Variants in DPP6 observed in about 807,000 individuals in gnomAD.
The protein encoded by DPP6 is A-type potassium channel modulatory protein DPP6.
A neutral mutation model predicts 122.6 loss-of-function variants in DPP6; 69 were observed. The observed-to-expected ratio is 0.56, with a 90% CI of 0.46 to 0.69. The LOEUF is 0.69. Among genes scored for constraint, DPP6 ranks in the 30% least tolerant of loss-of-function variants. The pLI is 0.00. For synonymous variants in DPP6, 418 were observed against 433.1 expected, an observed-to-expected ratio of 0.97 and a Z score of 0.43; for missense variants, 928 against 1,116.9, an observed-to-expected ratio of 0.83 and a Z score of 2.41.
intron 1 of DPP6, among the ~76,000 whole-genome samples, chr7:154,367,233 G>A (rs1812263553): frequency 6.6e-6 from 1 of 152,148 alleles, no homozygotes; most frequent in Admixed American, 6.5e-5. Flanking sequence ...AACTAAAAGG[G>A]AACTCATTAT....
At chr7:154,074,102 GAGAT>G (rs1181106391) in intron 1 of DPP6, among the ~76,000 whole-genome samples, 14 of 55,052 alleles carry the variant, frequency 2.5e-4, no homozygotes, top group African/African-American at 1.1e-3. Context: ...GATCTATATA[GAGAT>G]AGAGAGATAT....
chr7:153,819,536 C>A, the DPP6 span, among the ~76,000 whole-genome samples: 1 of 152,144 alleles, frequency 6.6e-6, no homozygotes, highest in African/African-American at 2.4e-5. Context: ...ATGGCACACA[C>A]ATCATGACTG....
At chr7:154,320,339 G>A (rs909906325) in intron 1 of DPP6, among the ~76,000 whole-genome samples, 11 of 152,146 alleles carry the variant, frequency 7.2e-5, no homozygotes, top group Middle Eastern at 3.4e-3. Flanking sequence ...GCTCCATTCC[G>A]TACTTGGTTT....
In DPP6 at chr7:154,581,357, A is replaced by C. The variant is rs76286576; in HGVS notation, c.627+14441A>C. On this transcript the variant is annotated intron_variant, in intron 5 of 25. Transcript: ENST00000377770. ...GGAAAAGGAGACAGAGGGGACAGGAAGAAGGGGACAGAAGAGTAAAGAGCC... is the reference window on the plus strand; with the variant it reads ...GGAAAAGGAGACAGAGGGGACAGGACGAAGGGGACAGAAGAGTAAAGAGCC... 4.5e-3 allele frequency among the ~76,000 whole-genome samples: 692 copies of C among 152,262 alleles called. 7 individuals carry two copies. Among genetic ancestry groups the C allele is most frequent in the African/African-American group, 0.016 (648 of 41,552 alleles).
intron 2 of DPP6, among the ~76,000 whole-genome samples, chr7:154,454,607 T>G (rs1586321870): frequency 6.6e-6 from 1 of 151,976 alleles, no homozygotes; most frequent in African/African-American, 2.4e-5. Context: ...GGGCCAGGTG[T>G]GGTCAAGAGT....
rs763543397 is a variant in DPP6, at chr7:154,239,992, TAAAAAAAAAAAAAAA to T, written c.243+186961_243+186975del. ...GGGAGACAGAGTAAGATGCTGTCTT[TAAAAAAAAAAAAAAA>T]AAAAAAAAAAAAAAAAAAAAAAAAA... On this transcript the variant is annotated intron_variant, in intron 1 of 25. Transcript: ENST00000377770. Among the ~76,000 whole-genome samples the T allele has an allele frequency of 1.4e-4, 7 of 50,424 alleles. 2 individuals carry two copies. The highest frequency in any genetic ancestry group is 2.3e-4 in the Non-Finnish European group (6 of 25,820). The allele number at this position is 50,424 out of a possible 152,430, so 33.1% of individuals were successfully genotyped here.
intron 1 of DPP6, among the ~76,000 whole-genome samples, chr7:154,337,665 T>C (rs1411820606): frequency 6.6e-6 from 1 of 152,174 alleles, no homozygotes; most frequent in African/African-American, 2.4e-5. Context: ...CCCAGGCAGA[T>C]CTCAGCCATC....
chr7:154,892,601 ATG>A lies in DPP6; in HGVS notation c.*127_*128del. ...GGGGCGGGGCCGGGTGTTCCATAGC[ATG>A]TGTGTCTCGGATGCGGAAGGCAGTT... On this transcript the variant is annotated 3_prime_UTR_variant, in exon 26 of 26. Transcript: ENST00000377770. The A allele has an allele frequency of 6.5e-7, 1 of 1,540,626 alleles. No homozygotes were observed. The highest frequency in any genetic ancestry group is 8.7e-7 in the Non-Finnish European group (1 of 1,144,936).
chr7:153,909,638 C>A (rs1486202986), intron 1 of DPP6, among the ~76,000 whole-genome samples: 1 of 152,160 alleles, frequency 6.6e-6, no homozygotes, highest in Non-Finnish European at 1.5e-5. Context: ...CGACCTCCTT[C>A]CCACTATATT....
chr7:154,757,303 T>C (rs1795192386), intron 8 of DPP6, among the ~76,000 whole-genome samples: 1 of 152,144 alleles, frequency 6.6e-6, no homozygotes, highest in Non-Finnish European at 1.5e-5. Context: ...CTCTTCTCCT[T>C]TCCAATGGGT....
chr7:153,954,346 T>A, intron 1 of DPP6, among the ~76,000 whole-genome samples: 1 of 152,258 alleles, frequency 6.6e-6, no homozygotes, highest in East Asian at 1.9e-4. Context: ...AACTAAAATT[T>A]AAATTTCTAC....
chr7:154,776,205 A>G (rs1320296854), intron 10 of DPP6, among the ~76,000 whole-genome samples: 1 of 79,828 alleles, frequency 1.3e-5, no homozygotes, highest in Non-Finnish European at 2.7e-5. Context: ...TAGATGATAG[A>G]TAGATAGATA....
chr7:154,023,545 G>A (rs1228654467), intron 1 of DPP6, among the ~76,000 whole-genome samples: 4 of 151,648 alleles, frequency 2.6e-5, no homozygotes, highest in South Asian at 2.1e-4. Context: ...CCAATGGTAC[G>A]ATCTCAGCTC....
chr7:153,958,562 T>C (rs2628839), intron 1 of DPP6, among the ~76,000 whole-genome samples: 120,850 of 152,052 alleles, frequency 0.79, 49,104 homozygotes, highest in East Asian at 1. Flanking sequence ...AGCCAAGAGC[T>C]GAGGGTTTTG....
At chr7:154,389,508 G>T (rs1250116567) in intron 1 of DPP6, among the ~76,000 whole-genome samples, 1 of 152,010 alleles carries the variant, frequency 6.6e-6, no homozygotes, top group African/African-American at 2.4e-5. Flanking sequence ...GAAGTAGCCT[G>T]TAATTATTTC....
intron 1 of DPP6, among the ~76,000 whole-genome samples, chr7:154,309,417 A>G (rs1005838525): frequency 2.0e-5 from 3 of 152,186 alleles, no homozygotes; most frequent in African/African-American, 7.2e-5. Flanking sequence ...GCCATTACAG[A>G]AGAACTTTTT....
chr7:153,898,740 A>G (rs1232923386), intron 1 of DPP6, among the ~76,000 whole-genome samples: 1 of 152,166 alleles, frequency 6.6e-6, no homozygotes, highest in Non-Finnish European at 1.5e-5. Context: ...AGCAGTGTTA[A>G]TTGGCAAACA....
At chr7:154,329,416 A>G (rs1184943837) in intron 1 of DPP6, among the ~76,000 whole-genome samples, 1 of 152,232 alleles carries the variant, frequency 6.6e-6, no homozygotes, top group Non-Finnish European at 1.5e-5. Context: ...GTGTCTGTTC[A>G]TATCCGTCAC....
chr7:154,015,271 G>T (rs947422186), intron 1 of DPP6, among the ~76,000 whole-genome samples: 3 of 151,770 alleles, frequency 2.0e-5, no homozygotes, highest in Non-Finnish European at 2.9e-5. Flanking sequence ...CTTTTTCCAT[G>T]TCCTCGACCG....
Sources: gnomAD v4.1 joint callset for allele counts (sites outside exome capture counted in the v4.1 genomes callset) on GRCh38, gnomAD v4.1.1 for gene constraint, MANE v1.5 for transcripts, NCBI Gene and HGNC (gene_info 2026-07-23, HGNC 2026-07-21) for gene names.